Variants in LRRC32 observed in about 807,000 individuals in gnomAD.
LRRC32 encodes the protein leucine rich repeat containing 32.
LRRC32 carries 5 observed loss-of-function variants against 15.0 expected under a neutral mutation model. The ratio of observed to expected loss-of-function variants is 0.33; its 90% CI spans 0.17 to 0.70. LRRC32 has a LOEUF of 0.70. Ranked by LOEUF, LRRC32 falls within the 30% of genes least tolerant of loss-of-function variation. The pLI, the probability that LRRC32 is intolerant of heterozygous loss-of-function variation, is 0.66. For missense variants in LRRC32, 803 were observed against 854.2 expected (o/e 0.94, Z 0.75); for synonymous variants, 391 against 403.9 (o/e 0.97, Z 0.38).
intron 2 of LRRC32, 100 bp from the exon 3 acceptor site, chr11:76,661,608 C>T (rs1952535649): frequency 1.4e-6 from 2 of 1,454,650 alleles, no homozygotes; most frequent in African/African-American, 1.4e-5. Context: ...CTGGGGAACC[C>T]TTCTCCCATG....
chr11:76,669,043 C>T (rs1464706267), intron 1 of LRRC32, among the ~76,000 whole-genome samples: 1 of 152,252 alleles, frequency 6.6e-6, no homozygotes, highest in African/African-American at 2.4e-5. Flanking sequence ...ACCAGCTCTG[C>T]TCCCTAAGGT....
chr11:76,666,099 A>G (rs1405683944), intron 1 of LRRC32, 141 bp from the exon 2 acceptor site: 6 of 709,566 alleles, frequency 8.5e-6, no homozygotes, highest in Non-Finnish European at 1.2e-5. Flanking sequence ...TGCTTTGAGC[A>G]GGGCAGAGAG....
In LRRC32 at chr11:76,660,768, G is replaced by A. The variant is rs1952508564; in HGVS notation, c.825C>T (p.Asn275=). ...GTGGCCCTGTGGGGAGCCGGATGAG[G>A]TTGTTGGACAAGTTCAGGTAGATGA... is the stretch of plus-strand genomic sequence containing the variant. ...PRLIYLNLSN[N]LIRLPTGPPQ... The change falls in exon 3 of 3, where the codon AAC becomes AAT. Residue 275 remains asparagine (N), a synonymous_variant. Transcript: ENST00000260061. The A allele has an allele frequency of 1.2e-6, 2 of 1,614,160 alleles. No homozygotes were observed. The highest frequency in any genetic ancestry group is 1.1e-5 in the South Asian group (1 of 91,076).
chr11:76,659,466 C>T lies in LRRC32; in HGVS notation c.*138G>A, dbSNP rs762301440. The T allele has an allele frequency of 1.6e-4, 149 of 920,862 alleles. No homozygotes were observed. The highest frequency in any genetic ancestry group is 1.6e-3 in the East Asian group (59 of 37,838). The allele number at this position is 920,862 out of a possible 1,614,324, so 57.0% of individuals were successfully genotyped here. ...GGGGGTCACCCACTGATGCAGCAGG[C>T]GGCAGAGAAAGGTGTCCTGGGCTGT... On this transcript the variant is annotated 3_prime_UTR_variant, in exon 3 of 3. Coordinates refer to ENST00000260061, the MANE Select transcript of LRRC32 (RefSeq NM_001128922.2).
chr11:76,660,311 G>T lies in LRRC32; in HGVS notation c.1282C>A (p.Pro428Thr). 6.3e-7 allele frequency: 1 copy of T among 1,598,140 alleles called. No individual in the cohort carries two copies. Among genetic ancestry groups the T allele is most frequent in the South Asian group, 1.1e-5 (1 of 88,262 alleles). ...QGNRVSPCGG[P>T]DEPGPSGCVA... is the part of the protein sequence containing the mutation. ...CAGCCGGAGGGGCCAGGCTCATCTG[G>T]CCCCCCACAGGGGCTGACTCGGTTC... The change falls in exon 3 of 3, where the codon CCA becomes ACA. Residue 428 changes from proline (P) to threonine (T), a missense_variant. Transcript: ENST00000260061.
At chr11:76,668,951 G>A (rs1286813159) in intron 1 of LRRC32, among the ~76,000 whole-genome samples, 1 of 152,208 alleles carries the variant, frequency 6.6e-6, no homozygotes. Context: ...CAAGTACAGG[G>A]TGTAGCATTT....
rs1952478908 is a variant in LRRC32, at chr11:76,659,789, A to G, written c.1804T>C (p.Phe602Leu). ...VDATQDLICRFSSQEEVSLSH... is the reference protein window; with the variant it reads ...VDATQDLICRLSSQEEVSLSH... ...AGGGACACCTCCTCCTGGGAGCTGAAGCGGCAGATCAGGTCCTGGGTGGCG... is the reference window on the plus strand; with the variant it reads ...AGGGACACCTCCTCCTGGGAGCTGAGGCGGCAGATCAGGTCCTGGGTGGCG... Residue 602 changes from phenylalanine to leucine, a missense_variant, in exon 3 of 3, where the codon TTC becomes CTC. Phe to Leu is a conservative substitution (Grantham distance 22). Coordinates refer to ENST00000260061, the MANE Select transcript of LRRC32 (RefSeq NM_001128922.2). The G allele has an allele frequency of 1.2e-6, 2 of 1,614,190 alleles. No homozygotes were observed. The highest frequency in any genetic ancestry group is 1.7e-6 in the Non-Finnish European group (2 of 1,180,028).
chr11:76,660,385 G>C lies in LRRC32; in HGVS notation c.1208C>G (p.Pro403Arg). The C allele has an allele frequency of 6.2e-7, 1 of 1,613,644 alleles. No individual in the cohort carries two copies. The highest frequency in any genetic ancestry group is 8.5e-7 in the Non-Finnish European group (1 of 1,179,864). ...GCTGGCCAGATTGGCAAAGGTGTAT[G>C]GGGGCAGGTCCCGCAGGGCATTGCC... The part of the protein sequence containing the change: ...LQGNALRDLP[P>R]YTFANLASLQ... Residue 403 changes from proline to arginine, a missense_variant, in exon 3 of 3, where the codon CCA becomes CGA. By Grantham distance (103) the Pro-to-Arg change is moderately radical (BLOSUM62 -2). Transcript: ENST00000260061.
At position 76,659,394 on chromosome 11, in the gene LRRC32, G is replaced by A. The variant is rs1031692947; in HGVS notation, c.*210C>T. ...ATTATTCTCGGCTGTCCCTGAAACC[G>A]CCCAACTTCTGGCTTCCACAGCTGG... On this transcript the variant is annotated 3_prime_UTR_variant, in exon 3 of 3. Coordinates refer to ENST00000260061, the MANE Select transcript of LRRC32 (RefSeq NM_001128922.2). 7 of 572,290 alleles carry A rather than the reference G, an allele frequency of 1.2e-5. No individual in the cohort carries two copies. Among genetic ancestry groups the A allele is most frequent in the Admixed American group, 9.3e-5 (3 of 32,306 alleles). The allele number at this position is 572,290 out of a possible 1,614,324, so 35.5% of individuals were successfully genotyped here.
In LRRC32 at chr11:76,658,281, C is replaced by T. The variant is rs1317198361; in HGVS notation, c.*1323G>A. 6.6e-6 allele frequency: 1 copy of T among 152,400 alleles called. No homozygotes were observed. The highest frequency in any genetic ancestry group is 2.4e-5 in the African/African-American group (1 of 41,462). 9.4% of individuals were successfully genotyped at this position (152,400 alleles called of 1,614,324 possible). A position where few individuals can be genotyped will look rare whatever the true frequency, so the allele number is the denominator to read the frequency against. On this transcript the variant is annotated 3_prime_UTR_variant, in exon 3 of 3. Coordinates refer to ENST00000260061, the MANE Select transcript of LRRC32 (RefSeq NM_001128922.2). ...ATGGGGAGGTTGGATTCCATAGTCTCAAACTCCAGGCTCTGCTCAATAGAG... is the reference window on the plus strand; with the variant it reads ...ATGGGGAGGTTGGATTCCATAGTCTTAAACTCCAGGCTCTGCTCAATAGAG...
chr11:76,660,560 T>C lies in LRRC32; in HGVS notation c.1033A>G (p.Asn345Asp). 6.2e-7 allele frequency: 1 copy of C among 1,614,182 alleles called. No individual in the cohort carries two copies. The highest frequency in any genetic ancestry group is 8.5e-7 in the Non-Finnish European group (1 of 1,180,042). Residue 345 changes from asparagine to aspartate, a missense_variant, in exon 3 of 3, where the codon AAC becomes GAC. Asn to Asp is a conservative substitution (Grantham distance 23). Coordinates refer to ENST00000260061, the MANE Select transcript of LRRC32 (RefSeq NM_001128922.2). ...GTCCGCAAGCAGTTTCTGCTGAGGTTCAGGAAGCACAGGGAGGTCAGGTGC... is the reference window on the plus strand; with the variant it reads ...GTCCGCAAGCAGTTTCTGCTGAGGTCCAGGAAGCACAGGGAGGTCAGGTGC... ...LEHLTSLCFL[N>D]LSRNCLRTFE...
rs750706385 is a variant in LRRC32 at position 76,660,301 on chromosome 11, G to C, written c.1292C>G (p.Pro431Arg). 6.3e-7 allele frequency: 1 copy of C among 1,594,834 alleles called. No individual in the cohort carries two copies. The highest frequency in any genetic ancestry group is 1.1e-5 in the South Asian group (1 of 87,658). ...GAAGGCCACACAGCCGGAGGGGCCA[G>C]GCTCATCTGGCCCCCCACAGGGGCT... ...RVSPCGGPDE[P>R]GPSGCVAFSG... Residue 431 changes from proline (P) to arginine (R), a missense_variant, in exon 3 of 3, where the codon CCT becomes CGT. Physicochemically the swap from Pro to Arg is moderately radical, Grantham distance 103. Transcript: ENST00000260061.
intron 1 of LRRC32, 107 bp downstream of exon 1, chr11:76,670,507 G>A (rs1021050369): frequency 3.3e-5 from 5 of 152,242 alleles, no homozygotes; most frequent in African/African-American, 1.2e-4. Flanking sequence ...GGAGGGGAGT[G>A]TTTGGGGGGC....
intron 1 of LRRC32, among the ~76,000 whole-genome samples, chr11:76,668,577 T>G (rs1952662020): frequency 6.6e-6 from 1 of 152,222 alleles, no homozygotes; most frequent in Non-Finnish European, 1.5e-5. Flanking sequence ...TGCAGTTTCC[T>G]CTCCCTGAAT....
chr11:76,659,596 C>G lies in LRRC32; in HGVS notation c.*8G>C. 1 of 1,611,610 alleles carries G rather than the reference C, an allele frequency of 6.2e-7. No individual in the cohort carries two copies. The highest frequency in any genetic ancestry group is 8.5e-7 in the Non-Finnish European group (1 of 1,178,460). On this transcript the variant is annotated 3_prime_UTR_variant, in exon 3 of 3. Coordinates refer to ENST00000260061, the MANE Select transcript of LRRC32 (RefSeq NM_001128922.2). Reference sequence around the variant, plus strand: ...TCCCCCACTGACCTAGAGTGTCTCCCGGCTTCTTTAGGCTTTATACTGTTG... The same window carrying G: ...TCCCCCACTGACCTAGAGTGTCTCCGGGCTTCTTTAGGCTTTATACTGTTG...
chr11:76,668,759 G>T (rs1952664344), intron 1 of LRRC32, among the ~76,000 whole-genome samples: 1 of 152,210 alleles, frequency 6.6e-6, no homozygotes, highest in African/African-American at 2.4e-5. Flanking sequence ...TGAGTGGTGA[G>T]TGCCAGGTGA....
intron 1 of LRRC32, among the ~76,000 whole-genome samples, chr11:76,668,314 G>A (rs923953952): frequency 6.6e-6 from 1 of 151,906 alleles, no homozygotes; most frequent in African/African-American, 2.4e-5. Flanking sequence ...AGACCGAGAC[G>A]CCACCCCAAT....
chr11:76,670,692 G>A lies in LRRC32; in HGVS notation c.-83C>T, dbSNP rs1353925480. The A allele has an allele frequency of 6.6e-6, 1 of 152,150 alleles. No homozygotes were observed. The highest frequency in any genetic ancestry group is 1.5e-5 in the Non-Finnish European group (1 of 68,036). 9.4% of individuals were successfully genotyped at this position (152,150 alleles called of 1,614,324 possible). A position where few individuals can be genotyped will look rare whatever the true frequency, so the allele number is the denominator to read the frequency against. The stretch of plus-strand genomic sequence containing the variant: ...CAAACCCGCCCCCGGGTCCCACCCC[G>A]CGCCAGACCCCGGGGTCACGGCCCG... On this transcript the variant is annotated 5_prime_UTR_variant, in exon 1 of 3. Coordinates refer to ENST00000260061, the MANE Select transcript of LRRC32 (RefSeq NM_001128922.2).
Position 76,660,032 on chromosome 11 carries a change from G to T in LRRC32, c.1561C>A (p.Leu521Ile), listed in dbSNP as rs763673455. The change falls in exon 3 of 3, where the codon CTT (leucine) becomes ATT (isoleucine). Residue 521 changes from leucine to isoleucine, a missense_variant. Leu to Ile is a conservative substitution (Grantham distance 5, BLOSUM62 2). Transcript: ENST00000260061. ...AGGTGGCTCAGGCGGTTCTCGGCAA[G>T]ATTGAGCCGCTTGAGGCAGATGAAG... is the stretch of plus-strand genomic sequence containing the variant. ...PCFICLKRLN[L>I]AENRLSHLPA... is the part of the protein sequence containing the mutation. The T allele has an allele frequency of 6.2e-7, 1 of 1,614,162 alleles. No homozygotes were observed. Among genetic ancestry groups the T allele is most frequent in the South Asian group, 1.1e-5 (1 of 91,090 alleles).
Sources: gnomAD v4.1 joint callset for allele counts (sites outside exome capture counted in the v4.1 genomes callset) on GRCh38, gnomAD v4.1.1 for gene constraint, MANE v1.5 for transcripts, NCBI Gene and HGNC (gene_info 2026-07-23, HGNC 2026-07-21) for gene names.